The following SHROOM4 variants were observed in gnomAD, a reference collection of about 807,000 sequenced individuals.
The protein encoded by SHROOM4 is protein Shroom4.
A neutral mutation model predicts 80.3 loss-of-function variants in SHROOM4; 17 were observed. The ratio of observed to expected loss-of-function variants is 0.21; its 90% confidence interval spans 0.14 to 0.32. The LOEUF (loss-of-function observed/expected upper bound fraction) is 0.32, where lower values mean the gene tolerates loss of function less well. Ranked by LOEUF, SHROOM4 falls within the 10% of genes least tolerant of loss-of-function variation. The probability of loss-of-function intolerance (pLI) is 1.00; values close to 1 mark genes in which losing one functional copy is unlikely to be tolerated. For synonymous variants in SHROOM4, 400 were observed against 437.5 expected, an observed-to-expected ratio of 0.91 and a Z score of 1.07; for missense variants, 993 against 1,140.3, an observed-to-expected ratio of 0.87 and a Z score of 1.86.
At chrX:50,705,040 T>C (rs1414305129) in intron 1 of SHROOM4, among the ~76,000 whole-genome samples, 1 of 112,004 alleles carries the variant, frequency 8.9e-6, no homozygotes, top group Non-Finnish European at 1.9e-5. Context: ...GCAATAATAA[T>C]AACATCCTTT....
At chrX:50,583,620 C>T (rs371262466), downstream of SHROOM4, among the ~76,000 whole-genome samples, 1 of 111,767 alleles carries the variant, frequency 8.9e-6, no homozygotes, top group East Asian at 2.8e-4. Context: ...TGTGGCAAGG[C>T]TTCTAGGAAC....
intron 1 of SHROOM4, among the ~76,000 whole-genome samples, chrX:50,707,424 G>T (rs2147483249): frequency 8.9e-6 from 1 of 112,238 alleles, no homozygotes; most frequent in East Asian, 2.8e-4. Context: ...CCATGATATG[G>T]CTTTAAAAAG....
chrX:50,611,644 G>A (rs1929998534), intron 5 of SHROOM4, among the ~76,000 whole-genome samples: 1 of 111,151 alleles, frequency 9.0e-6, no homozygotes, highest in African/African-American at 3.3e-5. Flanking sequence ...TGTAGGCTGG[G>A]CGTGGCAGCT....
At chrX:50,608,377 A>T (rs41306882) in intron 5 of SHROOM4, among the ~76,000 whole-genome samples, 193 bp from the exon 6 acceptor site, 33,156 of 110,990 alleles carry the variant, frequency 0.3, 3,701 homozygotes, top group South Asian at 0.43. Context: ...AATACTAGGC[A>T]CTGTTTAAGT....
intron 4 of SHROOM4, among the ~76,000 whole-genome samples, chrX:50,630,485 AG>A (rs1931008953): frequency 9.0e-6 from 1 of 111,500 alleles, no homozygotes; most frequent in Admixed American, 9.5e-5. Flanking sequence ...AGGCATTGTA[AG>A]TTCGGGGGAA....
chrX:50,634,117 C>T lies in SHROOM4; in HGVS notation c.1956G>A (p.Lys652=), dbSNP rs1232945301. Residue 652 remains lysine (K), a synonymous_variant, in exon 4 of 9, where the codon AAG becomes AAA. Coordinates refer to ENST00000376020, the MANE Select transcript of SHROOM4 (RefSeq NM_020717.5). ...TGAGCATCATGCTTTTGTTGAAGAG[C>T]TTGTCTCTGGGGCTGGGAGGTTTTT... ...SCKKPPSPRD[K]LFNKSMMLRA... 12 of 1,209,741 alleles carry T rather than the reference C, an allele frequency of 9.9e-6. No individual in the cohort carries two copies. The highest frequency in any genetic ancestry group is 1.8e-5 in the South Asian group (1 of 56,760).
At chrX:50,710,682 A>T (rs9887621) in intron 1 of SHROOM4, among the ~76,000 whole-genome samples, 6,444 of 111,742 alleles carry the variant, frequency 0.058, 452 homozygotes, top group African/African-American at 0.2. Flanking sequence ...TATTTTTAAA[A>T]ATGTATACAC....
chrX:50,740,129 C>A (rs1369621459), intron 1 of SHROOM4, among the ~76,000 whole-genome samples: 2 of 78,546 alleles, frequency 2.5e-5, no homozygotes, highest in Admixed American at 3.1e-4. Flanking sequence ...GGGAATTGAA[C>A]AATGAGAACA....
At chrX:50,706,043 A>G (rs1033743808) in intron 1 of SHROOM4, among the ~76,000 whole-genome samples, 2 of 103,448 alleles carry the variant, frequency 1.9e-5, no homozygotes, top group African/African-American at 7.4e-5. Flanking sequence ...CACACGTCAT[A>G]CCAAACTTTC....
intron 1 of SHROOM4, among the ~76,000 whole-genome samples, chrX:50,734,455 C>T (rs1934436631): frequency 9.0e-6 from 1 of 110,821 alleles, no homozygotes; most frequent in Non-Finnish European, 1.9e-5. Context: ...GCTCTGTCAC[C>T]CAGGCTGGAG....
At chrX:50,578,263 C>G in the SHROOM4 span, among the ~76,000 whole-genome samples, 3 of 111,791 alleles carry the variant, frequency 2.7e-5, no homozygotes, top group Admixed American at 1.9e-4. Flanking sequence ...TGACTTTGAA[C>G]CTATAATTTT....
intron 1 of SHROOM4, among the ~76,000 whole-genome samples, chrX:50,729,855 G>GA (rs1234574375): frequency 1.7e-4 from 18 of 107,857 alleles, no homozygotes; most frequent in Non-Finnish European, 2.5e-4. Flanking sequence ...AGTGCTGAAT[G>GA]AAAAAAAAAT....
At position 50,740,740 on chromosome X, in the gene SHROOM4, T is replaced by C. The variant is rs1368106514; in HGVS notation, c.118-44803A>G. On this transcript the variant is annotated intron_variant, in intron 1 of 8. Transcript: ENST00000376020. ...AAAAAATGTAAAACAATTGAAATTA[T>C]AGAAATGTGTGATATCAACAATGAA... is the stretch of plus-strand genomic sequence containing the variant. Among the ~76,000 whole-genome samples, 10 of 112,170 alleles carry C rather than the reference T, an allele frequency of 8.9e-5. No homozygotes were observed. In the East Asian group the frequency reaches 2.5e-3, roughly 28 times the overall value.
chrX:50,668,709 G>A (rs62592921), intron 2 of SHROOM4, among the ~76,000 whole-genome samples: 1,699 of 112,004 alleles, frequency 0.015, 15 homozygotes, highest in Non-Finnish European at 0.026. Flanking sequence ...AGTAATGACA[G>A]ACATGCATGA....
intron 2 of SHROOM4, among the ~76,000 whole-genome samples, chrX:50,683,475 G>T (rs1004530812): frequency 9.0e-6 from 1 of 111,586 alleles, no homozygotes; most frequent in Non-Finnish European, 1.9e-5. Context: ...CAGGAGGTAG[G>T]GAGCATGGTA....
intron 6 of SHROOM4, 114 bp from the exon 7 acceptor site, chrX:50,602,927 A>G: frequency 2.8e-6 from 2 of 717,926 alleles, no homozygotes; most frequent in Non-Finnish European, 2.1e-6. Flanking sequence ...GGAGTTGAAA[A>G]AAATGGAGAA....
At chrX:50,629,708 T>C (rs908427537) in intron 4 of SHROOM4, among the ~76,000 whole-genome samples, 1 of 111,601 alleles carries the variant, frequency 9.0e-6, no homozygotes, top group South Asian at 3.8e-4. Flanking sequence ...AGTGAAATAA[T>C]TTGACAATGA....
the SHROOM4 span, among the ~76,000 whole-genome samples, chrX:50,576,822 G>T: frequency 4.5e-5 from 5 of 111,139 alleles, no homozygotes; most frequent in African/African-American, 1.6e-4. Flanking sequence ...ACATTTTAAC[G>T]GTTTGAGTGA....
chrX:50,720,578 CTG>C (rs782573355), intron 1 of SHROOM4, among the ~76,000 whole-genome samples: 3 of 112,273 alleles, frequency 2.7e-5, no homozygotes, highest in Non-Finnish European at 5.6e-5. Flanking sequence ...GATGAAGAAA[CTG>C]AGAGATAAAG....
Sources: gnomAD v4.1 joint callset for allele counts (sites outside exome capture counted in the v4.1 genomes callset) on GRCh38, gnomAD v4.1.1 for gene constraint, MANE v1.5 for transcripts, NCBI Gene and HGNC (gene_info 2026-07-23, HGNC 2026-07-21) for gene names.